GPC6: variants seen among roughly 807,000 people sequenced by gnomAD.
GPC6 encodes the protein glypican-6.
A neutral mutation model predicts 55.2 loss-of-function variants in GPC6; 14 were observed. The ratio of observed to expected loss-of-function variants is 0.25; its 90% CI spans 0.17 to 0.40. The LOEUF (loss-of-function observed/expected upper bound fraction) is 0.40. GPC6 is among the 10% of genes least tolerant of loss of function. The pLI, the probability that GPC6 is intolerant of heterozygous loss-of-function variation, is 1.00. For missense variants in GPC6, 641 were observed against 708.5 expected, an observed-to-expected ratio of 0.90 and a Z score of 1.08; for synonymous variants, 278 against 259.6, an observed-to-expected ratio of 1.07 and a Z score of -0.68.
At chr13:93,423,106 T>G (rs919562573) in intron 1 of GPC6, among the ~76,000 whole-genome samples, 1 of 152,172 alleles carries the variant, frequency 6.6e-6, no homozygotes, top group Non-Finnish European at 1.5e-5. Flanking sequence ...CTTAACCTCT[T>G]TCAGAGTCCC....
intron 1 of GPC6, among the ~76,000 whole-genome samples, chr13:93,413,571 C>A (rs1350308649): frequency 8.3e-6 from 1 of 120,052 alleles, no homozygotes; most frequent in African/African-American, 2.7e-5. Flanking sequence ...TTTTTTTTTT[C>A]CGGAAGAGAT....
chr13:94,363,752 T>G (rs148564165), intron 6 of GPC6, among the ~76,000 whole-genome samples: 15 of 152,200 alleles, frequency 9.9e-5, no homozygotes, highest in African/African-American at 3.6e-4. Flanking sequence ...TGAGATGAGC[T>G]CTAAGCGAAA....
At chr13:93,972,326 G>C (rs1038486292) in intron 3 of GPC6, among the ~76,000 whole-genome samples, 3 of 152,042 alleles carry the variant, frequency 2.0e-5, no homozygotes, top group Non-Finnish European at 2.9e-5. Context: ...AAAAGAATAG[G>C]GATCGACAGC....
At chr13:94,034,370 A>G (rs1287619233) in intron 4 of GPC6, among the ~76,000 whole-genome samples, 1 of 152,186 alleles carries the variant, frequency 6.6e-6, no homozygotes, top group Admixed American at 6.5e-5. Flanking sequence ...AAGTGTTTTT[A>G]TGTGATACAA....
chr13:93,701,792 C>G (rs540111541), intron 2 of GPC6, among the ~76,000 whole-genome samples: 2 of 152,000 alleles, frequency 1.3e-5, no homozygotes, highest in African/African-American at 2.4e-5. Flanking sequence ...CAAGAAGAAA[C>G]GCCTCATCCT....
chr13:93,336,536 T>A (rs1006543078), intron 1 of GPC6, among the ~76,000 whole-genome samples: 15 of 152,196 alleles, frequency 9.9e-5, no homozygotes, highest in African/African-American at 3.6e-4. Flanking sequence ...TCCTTCAAGG[T>A]TGGCTTTTGA....
At chr13:93,627,920 C>G (rs2139567020) in intron 2 of GPC6, among the ~76,000 whole-genome samples, 1 of 152,286 alleles carries the variant, frequency 6.6e-6, no homozygotes, top group East Asian at 1.9e-4. Context: ...TCATACTTAA[C>G]TGAACAGTTG....
At chr13:93,550,798 G>A (rs996331556) in intron 2 of GPC6, among the ~76,000 whole-genome samples, 2 of 152,088 alleles carry the variant, frequency 1.3e-5, no homozygotes, top group Non-Finnish European at 2.9e-5. Flanking sequence ...TTTTTTGTAT[G>A]TGTGTGTGAT....
intron 1 of GPC6, among the ~76,000 whole-genome samples, chr13:93,505,102 G>A (rs777915356): frequency 6.6e-6 from 1 of 152,170 alleles, no homozygotes; most frequent in Non-Finnish European, 1.5e-5. Flanking sequence ...AGTTGATCTG[G>A]AGTTCAGATT....
intron 4 of GPC6, among the ~76,000 whole-genome samples, chr13:94,068,993 A>G (rs1237063658): frequency 1.3e-5 from 2 of 152,204 alleles, no homozygotes; most frequent in African/African-American, 2.4e-5. Context: ...TCCACTAGGC[A>G]GTGTCCCAGT....
At chr13:93,278,868 T>C (rs1245611533) in intron 1 of GPC6, among the ~76,000 whole-genome samples, 2 of 152,158 alleles carry the variant, frequency 1.3e-5, no homozygotes, top group Non-Finnish European at 2.9e-5. Context: ...AATGGGTAAC[T>C]ATGTGAGATG....
At chr13:94,084,586 TAA>T (rs11310441) in intron 4 of GPC6, among the ~76,000 whole-genome samples, 13 of 151,432 alleles carry the variant, frequency 8.6e-5, no homozygotes, top group African/African-American at 2.7e-4. Flanking sequence ...CTATTTGTGA[TAA>T]AAAAAAAACT....
intron 3 of GPC6, among the ~76,000 whole-genome samples, chr13:94,019,102 T>A (rs956463457): frequency 6.6e-6 from 1 of 152,238 alleles, no homozygotes; most frequent in Non-Finnish European, 1.5e-5. Flanking sequence ...TGTTACCTCA[T>A]CTTCTGTTTT....
chr13:93,464,034 A>C (rs1878809966), intron 1 of GPC6, among the ~76,000 whole-genome samples: 1 of 152,196 alleles, frequency 6.6e-6, no homozygotes, highest in African/African-American at 2.4e-5. Flanking sequence ...ATAAAACTTA[A>C]GTTTACACTA....
intron 6 of GPC6, among the ~76,000 whole-genome samples, chr13:94,316,747 A>G (rs532519666): frequency 2.0e-5 from 3 of 151,522 alleles, no homozygotes; most frequent in Non-Finnish European, 4.4e-5. Context: ...ATGAGCAAAA[A>G]CCTTTTACTA....
intron 3 of GPC6, among the ~76,000 whole-genome samples, chr13:94,016,510 G>A (rs1269681803): frequency 6.6e-6 from 1 of 152,114 alleles, no homozygotes; most frequent in Admixed American, 6.5e-5. Flanking sequence ...GCTTTGTAGT[G>A]CATTTGAAGT....
In GPC6 at chr13:94,259,063, G is replaced by A. The variant is rs1891584733; in HGVS notation, c.878-27286G>A. Reference sequence around the variant, plus strand: ...TTTCCCAGAAGCCCCTAGCACACTGGAAACCTTCTCAGAAGCCCCTAGCAC... The same window carrying A: ...TTTCCCAGAAGCCCCTAGCACACTGAAAACCTTCTCAGAAGCCCCTAGCAC... On this transcript the variant is annotated intron_variant, in intron 4 of 8. Coordinates refer to ENST00000377047, the MANE Select transcript of GPC6 (RefSeq NM_005708.5). Among the ~76,000 whole-genome samples, 4 of 151,178 alleles carry A rather than the reference G, an allele frequency of 2.6e-5. No homozygotes were observed. In the South Asian group the frequency reaches 8.4e-4, roughly 32 times the overall value.
At chr13:93,478,737 G>A (rs1194010067) in intron 1 of GPC6, among the ~76,000 whole-genome samples, 2 of 152,214 alleles carry the variant, frequency 1.3e-5, no homozygotes, top group Non-Finnish European at 1.5e-5. Context: ...TTACAGGTCA[G>A]TCAGTATATG....
At position 93,519,232 on chromosome 13, in the gene GPC6, TATAGA is replaced by T. The variant is rs1438817773; in HGVS notation, c.161-26026_161-26022del. On this transcript the variant is annotated intron_variant, in intron 1 of 8. Coordinates refer to ENST00000377047, the MANE Select transcript of GPC6 (RefSeq NM_005708.5). ...CATTCAAACTGACCATCCTCCAATTTATAGAATAGGTTTTAGAATTTTATCTCATT... is the reference window on the plus strand; with the variant it reads ...CATTCAAACTGACCATCCTCCAATTTATAGGTTTTAGAATTTTATCTCATT... Among the ~76,000 whole-genome samples, 23 of 152,180 alleles carry T rather than the reference TATAGA, an allele frequency of 1.5e-4. 1 individual carries two copies. The South Asian group carries it at 4.6e-3, about 30-fold the overall frequency.
Sources: allele counts gnomAD v4.1 joint callset (sites outside exome capture counted in the v4.1 genomes callset), GRCh38; gene constraint gnomAD v4.1.1; transcripts MANE v1.5; gene names NCBI Gene and HGNC (gene_info 2026-07-23, HGNC 2026-07-21).